ZNF236: variants seen among roughly 807,000 people sequenced by gnomAD.
ZNF236 encodes regulated by glucose.
Under a neutral mutation model 191.2 loss-of-function variants are expected in ZNF236, and 50 were observed. The observed-to-expected ratio is 0.26, with a 90% CI of 0.21 to 0.33. The LOEUF (loss-of-function observed/expected upper bound fraction) is 0.33. Among genes scored for constraint, ZNF236 ranks in the 10% least tolerant of loss-of-function variants. The pLI is 1.00. For missense variants in ZNF236, 1,754 were observed against 2,374.5 expected (o/e 0.74, Z 5.43); for synonymous variants, 907 against 928.8 (o/e 0.98, Z 0.43).
At chr18:76,853,747 A>C (rs902638622) in intron 3 of ZNF236, among the ~76,000 whole-genome samples, 1 of 152,180 alleles carries the variant, frequency 6.6e-6, no homozygotes, top group African/African-American at 2.4e-5. Context: ...ATGGTGGCTC[A>C]TGTCTGTAAT....
intron 11 of ZNF236, among the ~76,000 whole-genome samples, chr18:76,904,094 T>G (rs1244617210): frequency 6.6e-6 from 1 of 151,512 alleles, no homozygotes; most frequent in Non-Finnish European, 1.5e-5. Context: ...GACTAGATAT[T>G]TCTCATGTTT....
intron 2 of ZNF236, 87 bp from the exon 3 acceptor site, chr18:76,851,688 T>C: frequency 7.1e-7 from 1 of 1,412,920 alleles, no homozygotes; most frequent in Non-Finnish European, 9.5e-7. Flanking sequence ...CTGTACATTA[T>C]GGTACTTGTT....
At chr18:76,895,425 A>T (rs1468118284) in intron 10 of ZNF236, 140 bp downstream of exon 10, 2 of 1,190,764 alleles carry the variant, frequency 1.7e-6, no homozygotes, top group East Asian at 5.1e-5. Context: ...GGACTGCACA[A>T]AGTATCACAC....
chr18:76,945,313 G>C (rs1968231712), intron 26 of ZNF236, among the ~76,000 whole-genome samples: 1 of 152,200 alleles, frequency 6.6e-6, no homozygotes, highest in Non-Finnish European at 1.5e-5. Flanking sequence ...AAACAAATGT[G>C]AATTAATAAG....
At chr18:76,835,093 C>T (rs1975284005) in intron 1 of ZNF236, among the ~76,000 whole-genome samples, 2 of 151,114 alleles carry the variant, frequency 1.3e-5, no homozygotes, top group Non-Finnish European at 2.9e-5. Flanking sequence ...GGCAATTCTA[C>T]AGTTTTAACT....
chr18:76,861,959 G>A (rs556632252), intron 3 of ZNF236, among the ~76,000 whole-genome samples: 162 of 152,308 alleles, frequency 1.1e-3, no homozygotes, highest in Non-Finnish European at 2.2e-3. Flanking sequence ...CACCTCCTGG[G>A]TTCAAGCCAT....
intron 26 of ZNF236, among the ~76,000 whole-genome samples, chr18:76,941,465 G>T (rs959597787): frequency 1.3e-5 from 2 of 152,190 alleles, no homozygotes; most frequent in Non-Finnish European, 2.9e-5. Flanking sequence ...TGGCTGAGCT[G>T]CCAGTACCTC....
intron 3 of ZNF236, among the ~76,000 whole-genome samples, chr18:76,865,398 C>A (rs1452835926): frequency 6.6e-6 from 1 of 152,174 alleles, no homozygotes; most frequent in Non-Finnish European, 1.5e-5. Context: ...TACATTGTCT[C>A]CAAGAAACTT....
At chr18:76,931,513 G>A (rs1474188578) in intron 25 of ZNF236, among the ~76,000 whole-genome samples, 1 of 151,808 alleles carries the variant, frequency 6.6e-6, no homozygotes, top group Non-Finnish European at 1.5e-5. Flanking sequence ...ATACAAGTTA[G>A]CATGTTAATA....
chr18:76,870,851 G>A (rs886653011), intron 4 of ZNF236, among the ~76,000 whole-genome samples: 5 of 152,138 alleles, frequency 3.3e-5, no homozygotes, highest in African/African-American at 7.2e-5. Context: ...GCGGGGCTGC[G>A]GATGTGCATT....
intron 26 of ZNF236, among the ~76,000 whole-genome samples, chr18:76,942,982 G>A (rs1386019343): frequency 2.0e-5 from 3 of 150,582 alleles, no homozygotes; most frequent in Non-Finnish European, 3.0e-5. Flanking sequence ...AATTAGCCAG[G>A]CGTGGTGGCG....
chr18:76,838,363 T>C (rs1412571496), intron 1 of ZNF236, among the ~76,000 whole-genome samples: 1 of 152,250 alleles, frequency 6.6e-6, no homozygotes, highest in Admixed American at 6.5e-5. Flanking sequence ...GCATAGTGCA[T>C]GTAAACCTTT....
At position 76,972,174 on chromosome 18, in the gene ZNF236, C is replaced by T. The variant is rs1421795693; in HGVS notation, c.*3835C>T. On this transcript the variant is annotated 3_prime_UTR_variant, in exon 31 of 31. Transcript: ENST00000320610. ...TTTAATGTCGTATCTGTACTTGGGG[C>T]CTCTACACCTTTCCCATATTCTAAT... Among the ~76,000 whole-genome samples the T allele has an allele frequency of 2.6e-5, 4 of 152,194 alleles. No individual in the cohort carries two copies. Among genetic ancestry groups the T allele is most frequent in the African/African-American group, 7.2e-5 (3 of 41,438 alleles).
chr18:76,859,166 G>A (rs1350108371), intron 3 of ZNF236, among the ~76,000 whole-genome samples: 6 of 72,262 alleles, frequency 8.3e-5, no homozygotes, highest in Admixed American at 1.4e-4. Context: ...AGGTGGAGGC[G>A]GGTGCAGGTG....
rs1397337659 is a variant in ZNF236 at position 76,956,152 on chromosome 18, G to T, written c.5082G>T (p.Arg1694Ser). ...RERIHGCPVC[R>S]KAFKRATHLK... Reference sequence around the variant, plus strand: ...GCATCCACGGCTGCCCCGTGTGCAGGAAGGCCTTCAAGCGCGCCACGCACC... The same window carrying T: ...GCATCCACGGCTGCCCCGTGTGCAGTAAGGCCTTCAAGCGCGCCACGCACC... Residue 1694 changes from arginine to serine, a missense_variant, in exon 28 of 31, where the codon AGG becomes AGT. Coordinates refer to ENST00000320610, the MANE Select transcript of ZNF236 (RefSeq NM_001306089.2). The T allele has an allele frequency of 1.3e-6, 2 of 1,560,924 alleles. No individual in the cohort carries two copies. Among genetic ancestry groups the T allele is most frequent in the Non-Finnish European group, 1.7e-6 (2 of 1,154,082 alleles).
At chr18:76,961,228 C>G (rs1968659520) in intron 30 of ZNF236, among the ~76,000 whole-genome samples, 1 of 152,104 alleles carries the variant, frequency 6.6e-6, no homozygotes, top group African/African-American at 2.4e-5. Flanking sequence ...CATAGCTTAG[C>G]TCCCACTTAT....
Position 76,907,652 on chromosome 18 carries a change from G to A in ZNF236, c.2298-668G>A, listed in dbSNP as rs916703346. ...CGGCTCTTTGTCTTAGATATTCTTC[G>A]TACTAGCCAGCCTGTTAGTCAGATA... On this transcript the variant is annotated intron_variant, in intron 13 of 30. Coordinates refer to ENST00000320610, the MANE Select transcript of ZNF236 (RefSeq NM_001306089.2). Among the ~76,000 whole-genome samples the A allele has an allele frequency of 4.0e-5, 6 of 151,272 alleles. No individual in the cohort carries two copies. The South Asian group carries it at 6.2e-4, about 16-fold the overall frequency.
intron 3 of ZNF236, among the ~76,000 whole-genome samples, chr18:76,852,727 G>A (rs775383208): frequency 4.6e-5 from 7 of 152,070 alleles, no homozygotes; most frequent in African/African-American, 1.4e-4. Flanking sequence ...AGTTAAAGGA[G>A]AAAGTCATCT....
rs529962325 is a variant in ZNF236 at position 76,940,007 on chromosome 18, A to G, written c.4782+2664A>G. Among the ~76,000 whole-genome samples, 33 of 136,316 alleles carry G rather than the reference A, an allele frequency of 2.4e-4. No homozygotes were observed. In the South Asian group the frequency reaches 5.2e-3, roughly 21 times the overall value. The allele number at this position is 136,316 out of a possible 152,430, so 89.4% of individuals were successfully genotyped here. ...ACACGGTGGGCTACCCTAGCACTGC[A>G]TTTGGGAACACGGTGGGCTACCCTA... On this transcript the variant is annotated intron_variant, in intron 26 of 30. Coordinates refer to ENST00000320610, the MANE Select transcript of ZNF236 (RefSeq NM_001306089.2).
Sources: allele counts gnomAD v4.1 joint callset (sites outside exome capture counted in the v4.1 genomes callset), GRCh38; gene constraint gnomAD v4.1.1; transcripts MANE v1.5; gene names NCBI Gene and HGNC (gene_info 2026-07-23, HGNC 2026-07-21).